Variants in PDE1C observed in about 807,000 individuals in gnomAD.
PDE1C encodes the protein phosphodiesterase 1C.
Under a neutral mutation model 93.1 loss-of-function variants are expected in PDE1C, and 62 were observed. That is an observed-to-expected ratio of 0.67 (90% confidence interval 0.54 to 0.82). The LOEUF (loss-of-function observed/expected upper bound fraction) is 0.82. Among genes scored for constraint, PDE1C ranks in the 40% least tolerant of loss-of-function variants. The pLI is 0.00. For missense variants in PDE1C, 742 were observed against 884.6 expected, an observed-to-expected ratio of 0.84 and a Z score of 2.04; for synonymous variants, 325 against 310.1, an observed-to-expected ratio of 1.05 and a Z score of -0.50.
At chr7:32,283,478 T>C (rs1337342981) in intron 1 of PDE1C, among the ~76,000 whole-genome samples, 2 of 152,218 alleles carry the variant, frequency 1.3e-5, no homozygotes, top group African/African-American at 4.8e-5. Flanking sequence ...ATGTTTAACT[T>C]GCATAATAAT....
chr7:31,802,726 A>C (rs556478017), intron 16 of PDE1C, among the ~76,000 whole-genome samples: 55 of 151,888 alleles, frequency 3.6e-4, no homozygotes, highest in African/African-American at 1.3e-3. Context: ...ATTAATTAAA[A>C]AATTTAGCTC....
intron 1 of PDE1C, among the ~76,000 whole-genome samples, chr7:32,423,244 G>A (rs1785466527): frequency 6.6e-6 from 1 of 152,170 alleles, no homozygotes; most frequent in Non-Finnish European, 1.5e-5. Flanking sequence ...GGGCATGGTG[G>A]CTTCCACCTG....
the PDE1C span, among the ~76,000 whole-genome samples, chr7:31,623,434 G>A: frequency 1.3e-5 from 2 of 151,772 alleles, no homozygotes; most frequent in South Asian, 2.1e-4. Flanking sequence ...TCCCTGGGAT[G>A]CAAGGCTGGT....
At chr7:32,402,848 G>C (rs114005944) in intron 1 of PDE1C, among the ~76,000 whole-genome samples, 239 of 152,322 alleles carry the variant, frequency 1.6e-3, no homozygotes, top group African/African-American at 5.6e-3. Context: ...TGCTGAAGGT[G>C]AATTGTCAGG....
intron 2 of PDE1C, among the ~76,000 whole-genome samples, chr7:32,028,360 A>C (rs964820917): frequency 1.3e-5 from 2 of 152,030 alleles, no homozygotes; most frequent in African/African-American, 4.8e-5. Context: ...GTCTCTTCAT[A>C]TGCTTCATTA....
At chr7:32,144,978 A>C (rs1800750733) in intron 3 of PDE1C, among the ~76,000 whole-genome samples, 1 of 152,228 alleles carries the variant, frequency 6.6e-6, no homozygotes, top group Admixed American at 6.5e-5. Context: ...AGAGTAAAAC[A>C]AAAAGTATAA....
chr7:32,021,045 C>T (rs989889671), intron 2 of PDE1C, among the ~76,000 whole-genome samples: 3 of 152,096 alleles, frequency 2.0e-5, no homozygotes, highest in Non-Finnish European at 4.4e-5. Flanking sequence ...TTAGAAAGAG[C>T]TCCCCAGGTC....
At chr7:32,236,033 T>C (rs1350373851) in intron 1 of PDE1C, among the ~76,000 whole-genome samples, 1 of 152,080 alleles carries the variant, frequency 6.6e-6, no homozygotes, top group African/African-American at 2.4e-5. Flanking sequence ...AGCACTTTAA[T>C]GGAGGAAGAA....
intron 17 of PDE1C, among the ~76,000 whole-genome samples, chr7:31,768,298 C>T (rs114388806): frequency 0.018 from 2,744 of 152,164 alleles, 82 homozygotes; most frequent in African/African-American, 0.061. Context: ...GGCCAGGCTG[C>T]GGTTGCCACT....
intron 11 of PDE1C, among the ~76,000 whole-genome samples, chr7:31,831,452 C>T (rs535861966): frequency 6.6e-6 from 1 of 150,950 alleles, no homozygotes; most frequent in African/African-American, 2.4e-5. Context: ...TTGCAAGAGG[C>T]CCTACAAAAG....
intron 2 of PDE1C, among the ~76,000 whole-genome samples, chr7:31,959,465 C>T (rs563682672): frequency 2.6e-5 from 4 of 152,254 alleles, no homozygotes; most frequent in East Asian, 3.9e-4. Context: ...CCACCCTCTT[C>T]GGGCTCCCAA....
At chr7:32,177,131 C>T (rs900425953) in intron 2 of PDE1C, among the ~76,000 whole-genome samples, 4 of 152,126 alleles carry the variant, frequency 2.6e-5, no homozygotes, top group Non-Finnish European at 5.9e-5. Context: ...CTGCCGTGTG[C>T]GGAGAAAAAA....
At chr7:31,641,406 C>A in the PDE1C span, among the ~76,000 whole-genome samples, 1 of 152,112 alleles carries the variant, frequency 6.6e-6, no homozygotes, top group Non-Finnish European at 1.5e-5. Flanking sequence ...TTGCAACCCC[C>A]TTCCTCCTGA....
rs574665684 is a variant in PDE1C at position 31,902,412 on chromosome 7, A to T, written c.129-21552T>A. On this transcript the variant is annotated intron_variant, in intron 2 of 17. Coordinates refer to ENST00000396191, the MANE Select transcript of PDE1C (RefSeq NM_001191057.4). Reference sequence around the variant, plus strand: ...ATTGGCTAGGATCATAAACAATAGTAAAACTCTGTGCTAAGCAGCACAGGA... The same window carrying T: ...ATTGGCTAGGATCATAAACAATAGTTAAACTCTGTGCTAAGCAGCACAGGA... Among the ~76,000 whole-genome samples the T allele has an allele frequency of 4.7e-3, 713 of 152,090 alleles. 2 individuals are homozygous for T. Among genetic ancestry groups the T allele is most frequent in the Non-Finnish European group, 8.6e-3 (581 of 67,798 alleles).
At chr7:32,171,542 A>C (rs1205684227) in intron 2 of PDE1C, among the ~76,000 whole-genome samples, 2 of 149,308 alleles carry the variant, frequency 1.3e-5, no homozygotes, top group Non-Finnish European at 3.0e-5. Flanking sequence ...ATTTTAATAA[A>C]ATTTTATTAT....
chr7:32,418,116 A>G (rs1785312789), intron 1 of PDE1C, among the ~76,000 whole-genome samples: 1 of 152,194 alleles, frequency 6.6e-6, no homozygotes, highest in Non-Finnish European at 1.5e-5. Flanking sequence ...AGCCTCCCAA[A>G]GTGCTGGGAC....
chr7:31,957,720 A>G (rs1370692395), intron 2 of PDE1C, among the ~76,000 whole-genome samples: 2 of 152,180 alleles, frequency 1.3e-5, no homozygotes, highest in African/African-American at 2.4e-5. Context: ...CTTAGCAGAA[A>G]TGCATTTTCT....
At chr7:31,798,783 G>A (rs1423217145) in intron 16 of PDE1C, among the ~76,000 whole-genome samples, 1 of 151,724 alleles carries the variant, frequency 6.6e-6, no homozygotes, top group Non-Finnish European at 1.5e-5. Context: ...TGTTGCTATG[G>A]CTCTGCATGG....
intron 6 of PDE1C, among the ~76,000 whole-genome samples, chr7:31,867,924 G>A (rs1433915976): frequency 2.6e-5 from 4 of 152,298 alleles, no homozygotes; most frequent in Admixed American, 6.5e-5. Context: ...AAGAAATCAC[G>A]TACACTGCTG....
Sources: allele counts gnomAD v4.1 joint callset (sites outside exome capture counted in the v4.1 genomes callset), GRCh38; gene constraint gnomAD v4.1.1; transcripts MANE v1.5; gene names NCBI Gene and HGNC (gene_info 2026-07-23, HGNC 2026-07-21).